Variants in KIF15 observed in about 807,000 individuals in gnomAD.
The protein encoded by KIF15 is kinesin family member 15.
KIF15 carries 140 observed loss-of-function variants against 190.6 expected under a neutral mutation model. That is an observed-to-expected ratio of 0.73 (90% CI 0.64 to 0.84). KIF15 has a LOEUF of 0.84. KIF15 is among the 40% of genes least tolerant of loss of function. KIF15 has a pLI of 0.00. For missense variants in KIF15, 1,372 were observed against 1,584.4 expected, an observed-to-expected ratio of 0.87 and a Z score of 2.28; for synonymous variants, 528 against 551.3, an observed-to-expected ratio of 0.96 and a Z score of 0.59.
intron 29 of KIF15, among the ~76,000 whole-genome samples, 167 bp downstream of exon 29, chr3:44,841,405 GT>G (rs540248900): frequency 0.02 from 2,705 of 136,866 alleles, 64 homozygotes; most frequent in African/African-American, 0.065. Context: ...TTTTTTTTTT[GT>G]TTTTTTTTTG....
rs576964042 is a variant in KIF15, at chr3:44,769,134, A to C, written c.20-5261A>C. Among the ~76,000 whole-genome samples the C allele has an allele frequency of 1.1e-3, 170 of 152,342 alleles. 1 individual carries two copies. The Middle Eastern group carries it at 0.014, about 12-fold the overall frequency. On this transcript the variant is annotated intron_variant, in intron 1 of 34. Coordinates refer to ENST00000326047, the MANE Select transcript of KIF15 (RefSeq NM_020242.3). ...TAACTTTTCGCAGTTTAGAGGATGG[A>C]TCCAAGGGGAGTGTGCTGTAGTAAG...
In KIF15 at chr3:44,826,474, AT is replaced by A; in HGVS notation, c.2786+20del. The A allele has an allele frequency of 2.0e-6, 3 of 1,528,656 alleles. No individual in the cohort carries two copies. Among genetic ancestry groups the A allele is most frequent in the Non-Finnish European group, 2.7e-6 (3 of 1,110,348 alleles). The allele number at this position is 1,528,656 out of a possible 1,614,324, so 94.7% of individuals were successfully genotyped here. On this transcript the variant is annotated intron_variant, in intron 22 of 34. Transcript: ENST00000326047. The stretch of plus-strand genomic sequence containing the variant: ...AAACAGTTCTAAGTGAGTGCTATTT[AT>A]TTTTTCTACTAGCATACTAGAATAT...
In KIF15 at chr3:44,826,147, A is replaced by G. The variant is rs1187891195; in HGVS notation, c.2658A>G (p.Gln886=). 2 of 1,578,526 alleles carry G rather than the reference A, an allele frequency of 1.3e-6. No individual in the cohort carries two copies. Among genetic ancestry groups the G allele is most frequent in the South Asian group, 1.2e-5 (1 of 83,928 alleles). The stretch of plus-strand genomic sequence containing the variant: ...TTGACCAACTTTCAAGAAACCTCCA[A>G]AACTTCAAAAAAGAAAATGAAACTC... ...FEIDQLSRNL[Q]NFKKENETLK... is the part of the protein sequence containing the mutation. Residue 886 remains glutamine, a synonymous_variant, in exon 21 of 35, where the codon CAA becomes CAG. Transcript: ENST00000326047.
At chr3:44,805,746 A>G in intron 15 of KIF15, 99 bp from the exon 16 acceptor site, 1 of 1,080,880 alleles carries the variant, frequency 9.3e-7, no homozygotes, top group Non-Finnish European at 1.4e-6. Context: ...TGATTTAGAG[A>G]TAACTATAAA....
chr3:44,797,482 A>G, intron 8 of KIF15, 69 bp from the exon 9 acceptor site: 1 of 1,533,428 alleles, frequency 6.5e-7, no homozygotes, highest in Non-Finnish European at 8.9e-7. Flanking sequence ...TGCTAGATAT[A>G]TTTTCATTCA....
At chr3:44,823,060 C>G (rs1345937152) in intron 20 of KIF15, among the ~76,000 whole-genome samples, 1 of 152,192 alleles carries the variant, frequency 6.6e-6, no homozygotes, top group Non-Finnish European at 1.5e-5. Context: ...TGGTGAGGAG[C>G]TACAATCCTT....
chr3:44,806,028 T>A, intron 16 of KIF15, 42 bp downstream of exon 16: 1 of 1,588,900 alleles, frequency 6.3e-7, no homozygotes, highest in Non-Finnish European at 8.6e-7. Context: ...ATCAGTGCAA[T>A]GTCATTTTAT....
Position 44,805,089 on chromosome 3 carries a change from T to C in KIF15, c.1750T>C (p.Leu584=). 2 of 1,613,940 alleles carry C rather than the reference T, an allele frequency of 1.2e-6. No homozygotes were observed. The highest frequency in any genetic ancestry group is 1.7e-6 in the Non-Finnish European group (2 of 1,179,952). ...EPCLFANTEK[L]KAQLLQIQTE... is the part of the protein sequence containing the mutation. The stretch of plus-strand genomic sequence containing the variant: ...ATGTTTGTTTGCAAACACTGAGAAG[T>C]TAAAAGCACAACTCCTGCAAATTCA... The change falls in exon 15 of 35, where the codon TTA becomes CTA. Residue 584 remains leucine (L), a synonymous_variant. Coordinates refer to ENST00000326047, the MANE Select transcript of KIF15 (RefSeq NM_020242.3).
At chr3:44,827,625 T>C (rs377555727) in intron 23 of KIF15, 97 bp downstream of exon 23, 57 of 642,352 alleles carry the variant, frequency 8.9e-5, no homozygotes, top group East Asian at 4.6e-4. Flanking sequence ...CTTGCAGATG[T>C]TGGAAATTAG....
At chr3:44,762,295 A>G (rs1276112924) in intron 1 of KIF15, among the ~76,000 whole-genome samples, 4 of 152,040 alleles carry the variant, frequency 2.6e-5, no homozygotes, top group African/African-American at 9.7e-5. Context: ...TGACCTTCCT[A>G]TAGGGAAGGG....
At chr3:44,786,973 A>G (rs572128673) in intron 7 of KIF15, among the ~76,000 whole-genome samples, 1 of 152,328 alleles carries the variant, frequency 6.6e-6, no homozygotes, top group East Asian at 1.9e-4. Flanking sequence ...GCTCAGGACA[A>G]GCAAACCTCT....
At chr3:44,806,662 G>A (rs1230659816) in intron 16 of KIF15, among the ~76,000 whole-genome samples, 2 of 152,184 alleles carry the variant, frequency 1.3e-5, no homozygotes, top group Non-Finnish European at 2.9e-5. Flanking sequence ...GTGCAGGCCT[G>A]TAGTCCCGGC....
chr3:44,784,823 GT>G (rs56895721), intron 5 of KIF15, 21 bp from the exon 6 acceptor site: 90 of 1,100,244 alleles, frequency 8.2e-5, no homozygotes, highest in Non-Finnish European at 1.1e-4. Context: ...AAAATCCAGT[GT>G]TTTTTTTTTC....
chr3:44,816,280 A>G (rs1214169340), intron 20 of KIF15, among the ~76,000 whole-genome samples: 1 of 152,098 alleles, frequency 6.6e-6, no homozygotes, highest in Non-Finnish European at 1.5e-5. Flanking sequence ...TCTAGGGTAC[A>G]TGTGCACAAC....
intron 6 of KIF15, chr3:44,861,942 G>C (rs2292181): frequency 0.049 from 69,600 of 1,420,196 alleles, 1,794 homozygotes; most frequent in Middle Eastern, 0.081. Context: ...AGAGGCCGGG[G>C]CCTCCGGGCG....
intron 10 of KIF15, among the ~76,000 whole-genome samples, 164 bp downstream of exon 10, chr3:44,798,120 A>G (rs552797849): frequency 6.6e-6 from 1 of 152,104 alleles, no homozygotes; most frequent in East Asian, 1.9e-4. Context: ...CACACATGTA[A>G]TTAGAGACCT....
At chr3:44,852,576 A>T in intron 34 of KIF15, 97 bp from the exon 35 acceptor site, 1 of 937,468 alleles carries the variant, frequency 1.1e-6, no homozygotes, top group East Asian at 2.6e-5. Context: ...TTCCAGTCTT[A>T]ATTTGAAATA....
chr3:44,764,002 T>G (rs747159757), intron 1 of KIF15, among the ~76,000 whole-genome samples: 17 of 152,236 alleles, frequency 1.1e-4, no homozygotes, highest in Non-Finnish European at 1.8e-4. Flanking sequence ...ATTCCCTTTC[T>G]GAACCCAATC....
At chr3:44,820,047 A>G (rs1166029330) in intron 20 of KIF15, among the ~76,000 whole-genome samples, 3 of 152,114 alleles carry the variant, frequency 2.0e-5, no homozygotes, top group Non-Finnish European at 1.5e-5. Flanking sequence ...AGTCTGTTTT[A>G]TCAGAGACTA....
Sources: allele counts gnomAD v4.1 joint callset (sites outside exome capture counted in the v4.1 genomes callset), GRCh38; gene constraint gnomAD v4.1.1; transcripts MANE v1.5; gene names NCBI Gene and HGNC (gene_info 2026-07-23, HGNC 2026-07-21).